Variants in KLHL32 observed in about 807,000 individuals in gnomAD.
The protein encoded by KLHL32 is kelch-like protein 32.
A neutral mutation model predicts 64.8 loss-of-function variants in KLHL32; 35 were observed. The observed-to-expected ratio is 0.54, with a 90% CI of 0.41 to 0.72. The LOEUF (loss-of-function observed/expected upper bound fraction) is 0.72, where lower values mean the gene tolerates loss of function less well. KLHL32 is among the 30% of genes least tolerant of loss of function. The pLI, the probability that KLHL32 is intolerant of heterozygous loss-of-function variation, is 0.00. For missense variants in KLHL32, 589 were observed against 768.5 expected, an observed-to-expected ratio of 0.77 and a Z score of 2.76; for synonymous variants, 259 against 281.0, an observed-to-expected ratio of 0.92 and a Z score of 0.78.
At chr6:97,027,401 G>A (rs1190938185) in intron 3 of KLHL32, among the ~76,000 whole-genome samples, 1 of 152,150 alleles carries the variant, frequency 6.6e-6, no homozygotes, top group Non-Finnish European at 1.5e-5. Context: ...AAACTTCCAT[G>A]TCATTCTTTA....
At chr6:96,945,418 C>A (rs1210564663) in intron 1 of KLHL32, among the ~76,000 whole-genome samples, 3 of 152,184 alleles carry the variant, frequency 2.0e-5, no homozygotes, top group African/African-American at 7.2e-5. Context: ...AGATCACAGA[C>A]CTTGTGGAGA....
At chr6:97,113,016 T>A (rs1583068493) in intron 6 of KLHL32, among the ~76,000 whole-genome samples, 2 of 152,046 alleles carry the variant, frequency 1.3e-5, no homozygotes, top group East Asian at 3.8e-4. Flanking sequence ...AATAAAAAGG[T>A]TAGGATTACA....
At chr6:96,943,396 A>AC (rs1338559714) in intron 1 of KLHL32, among the ~76,000 whole-genome samples, 126 of 151,934 alleles carry the variant, frequency 8.3e-4, no homozygotes, top group African/African-American at 2.8e-3. Flanking sequence ...AAAAAAAAAA[A>AC]AAAAACCTTA....
At chr6:96,901,175 A>AT in the KLHL32 span, among the ~76,000 whole-genome samples, 1 of 152,158 alleles carries the variant, frequency 6.6e-6, no homozygotes, top group African/African-American at 2.4e-5. Flanking sequence ...CATTGTATTC[A>AT]TTTGTATTCA....
At position 97,132,737 on chromosome 6, in the gene KLHL32, C is replaced by G; in HGVS notation, c.1691C>G (p.Ala564Gly). The G allele has an allele frequency of 6.2e-7, 1 of 1,610,534 alleles. No individual in the cohort carries two copies. The highest frequency in any genetic ancestry group is 8.5e-7 in the Non-Finnish European group (1 of 1,177,642). ...GYSIWTNEPL[A>G]CIQVLDVSRE... ...TCAATTTGGACAAATGAGCCTCTGG[C>G]TTGTATCCAGGTGAGTGGTAGAAGT... The change falls in exon 10 of 11, where the codon GCT becomes GGT. Residue 564 changes from alanine (A) to glycine (G), a missense_variant. Ala to Gly is a moderately conservative substitution (Grantham distance 60). This residue lies in a region of KLHL32 where 172 missense variants were observed against 192.0 expected (regional missense o/e 0.90). Transcript: ENST00000369261.
At chr6:97,102,710 C>A (rs1028055129) in intron 6 of KLHL32, among the ~76,000 whole-genome samples, 18 of 151,814 alleles carry the variant, frequency 1.2e-4, no homozygotes, top group African/African-American at 4.4e-4. Context: ...ATGAGGAGAC[C>A]AAGAATGGGT....
intron 4 of KLHL32, among the ~76,000 whole-genome samples, chr6:97,047,710 T>G (rs1214941305): frequency 6.6e-6 from 1 of 152,074 alleles, no homozygotes; most frequent in African/African-American, 2.4e-5. Flanking sequence ...GCCTGGGAGA[T>G]GGATCCCAGT....
At chr6:96,958,493 G>A (rs901200354) in intron 1 of KLHL32, among the ~76,000 whole-genome samples, 1 of 152,170 alleles carries the variant, frequency 6.6e-6, no homozygotes, top group Non-Finnish European at 1.5e-5. Context: ...ATTGAGTGTT[G>A]ATGAGTATGT....
chr6:96,962,226 G>C (rs1209264337), intron 1 of KLHL32, among the ~76,000 whole-genome samples: 1 of 152,078 alleles, frequency 6.6e-6, no homozygotes, highest in Non-Finnish European at 1.5e-5. Flanking sequence ...TAGCAACTTT[G>C]AAACATTTTA....
At chr6:96,948,818 A>C (rs1173314192) in intron 1 of KLHL32, among the ~76,000 whole-genome samples, 1 of 152,066 alleles carries the variant, frequency 6.6e-6, no homozygotes, top group African/African-American at 2.4e-5. Context: ...CCACTTGTCG[A>C]GCTCACCCAA....
At position 96,989,104 on chromosome 6, in the gene KLHL32, TA is replaced by T. The variant is rs1025803756; in HGVS notation, c.204+12935del. On this transcript the variant is annotated intron_variant, in intron 3 of 10. Coordinates refer to ENST00000369261, the MANE Select transcript of KLHL32 (RefSeq NM_052904.4). ...ATGTACCCTAAAATTTAAAGTATAATAAAAAAAATATTGACATGTGTGGATT... is the reference window on the plus strand; with the variant it reads ...ATGTACCCTAAAATTTAAAGTATAATAAAAAAATATTGACATGTGTGGATT... Among the ~76,000 whole-genome samples, 8 of 152,090 alleles carry T rather than the reference TA, an allele frequency of 5.3e-5. No individual in the cohort carries two copies. The South Asian group carries it at 6.2e-4, about 12-fold the overall frequency.
chr6:97,000,669 C>A (rs1339718115), intron 3 of KLHL32, among the ~76,000 whole-genome samples: 1 of 152,172 alleles, frequency 6.6e-6, no homozygotes, highest in African/African-American at 2.4e-5. Flanking sequence ...GAATGGGTAT[C>A]TTTCTAATAA....
At chr6:97,011,728 T>C (rs1780429874) in intron 3 of KLHL32, among the ~76,000 whole-genome samples, 1 of 152,184 alleles carries the variant, frequency 6.6e-6, no homozygotes, top group Admixed American at 6.5e-5. Context: ...CATAAAAGTA[T>C]TTAAAACTTC....
chr6:96,961,471 T>C lies in KLHL32; in HGVS notation c.-65-5525T>C, dbSNP rs1019502266. Among the ~76,000 whole-genome samples, 3 of 152,362 alleles carry C rather than the reference T, an allele frequency of 2.0e-5. No individual in the cohort carries two copies. In the East Asian group the frequency reaches 5.8e-4, roughly 29 times the overall value. ...TATGTCATCAAGACCTATAGGACAC[T>C]TACTTTTTTCCTACCCCTTTTGTTA... On this transcript the variant is annotated intron_variant, in intron 1 of 10. Transcript: ENST00000369261.
chr6:96,984,521 A>G (rs200358952), intron 3 of KLHL32, among the ~76,000 whole-genome samples: 1 of 152,084 alleles, frequency 6.6e-6, no homozygotes, highest in Admixed American at 6.6e-5. Flanking sequence ...AAGTCTCTTT[A>G]TAGGTCTCTA....
chr6:97,058,750 CT>C (rs1337489352), intron 4 of KLHL32, among the ~76,000 whole-genome samples: 3 of 152,126 alleles, frequency 2.0e-5, no homozygotes, highest in African/African-American at 2.4e-5. Context: ...GACATAATGC[CT>C]GGTGGTATGG....
intron 5 of KLHL32, among the ~76,000 whole-genome samples, chr6:97,084,689 T>A (rs945020748): frequency 4.6e-5 from 7 of 152,216 alleles, no homozygotes; most frequent in African/African-American, 1.4e-4. Context: ...GCGGAGTCAG[T>A]CTGTCTTCAA....
At chr6:97,054,080 C>G (rs1787398458) in intron 4 of KLHL32, among the ~76,000 whole-genome samples, 1 of 151,934 alleles carries the variant, frequency 6.6e-6, no homozygotes, top group African/African-American at 2.4e-5. Flanking sequence ...ACAATTCTAA[C>G]TTAAGTTTTT....
the KLHL32 span, among the ~76,000 whole-genome samples, chr6:96,907,554 T>C: frequency 6.6e-5 from 10 of 152,230 alleles, no homozygotes; most frequent in African/African-American, 2.4e-4. Flanking sequence ...AAACACTCTA[T>C]GTACAGGAAG....
Sources: gnomAD v4.1 joint callset for allele counts (sites outside exome capture counted in the v4.1 genomes callset) on GRCh38, gnomAD v4.1.1 for gene constraint, gnomAD v4.1.1 regional missense constraint, MANE v1.5 for transcripts, NCBI Gene and HGNC (gene_info 2026-07-23, HGNC 2026-07-21) for gene names.